USP31: variants seen among roughly 807,000 people sequenced by gnomAD.
USP31 encodes the protein ubiquitin carboxyl-terminal hydrolase 31.
In USP31, 44 loss-of-function variants were observed where a neutral mutation model predicts 119.4. The observed-to-expected ratio is 0.37, with a 90% CI of 0.29 to 0.47. USP31 has a LOEUF of 0.47. USP31 is among the 20% of genes least tolerant of loss of function. The pLI is 0.99. For missense variants in USP31, 1,643 were observed against 1,730.2 expected (o/e 0.95, Z 0.89); for synonymous variants, 749 against 705.6 (o/e 1.06, Z -0.97).
chr16:23,134,915 C>T (rs200339292), intron 1 of USP31, among the ~76,000 whole-genome samples: 3 of 133,914 alleles, frequency 2.2e-5, no homozygotes, highest in Non-Finnish European at 3.3e-5. Context: ...CACACACACA[C>T]ATATTCTATA....
chr16:23,066,311 T>A lies in USP31; in HGVS notation c.*1735A>T, dbSNP rs565988586. The A allele has an allele frequency of 6.5e-6, 1 of 152,696 alleles. No individual in the cohort carries two copies. Among genetic ancestry groups the A allele is most frequent in the South Asian group, 2.1e-4 (1 of 4,822 alleles). 9.5% of individuals were successfully genotyped at this position (152,696 alleles called of 1,614,324 possible). On this transcript the variant is annotated 3_prime_UTR_variant, in exon 16 of 16. Coordinates refer to ENST00000219689, the MANE Select transcript of USP31 (RefSeq NM_020718.4). ...AATTCCAGCTACCCTCAACAGTAAGTGGTCTCCAGACTTGCAAGTTACCGG... is the reference window on the plus strand; with the variant it reads ...AATTCCAGCTACCCTCAACAGTAAGAGGTCTCCAGACTTGCAAGTTACCGG...
At position 23,087,788 on chromosome 16, in the gene USP31, T is replaced by A; in HGVS notation, c.1463A>T (p.Asp488Val). Residue 488 changes from aspartate (D) to valine (V), a missense_variant, in exon 8 of 16, where the codon GAC becomes GTC. Asp to Val is a radical substitution (Grantham distance 152). Around this residue, in one of 5 missense-constraint regions of USP31, gnomAD observed 219 missense variants for 226.4 expected, o/e 0.97. Transcript: ENST00000219689. ...VLHLEKTIAW[D>V]LLQKEILEKM... ...CTCCAAGATTTCCTTCTGCAGAAGGTCCCAAGCTATTGTCTTCTCTAAGTG... is the reference window on the plus strand; with the variant it reads ...CTCCAAGATTTCCTTCTGCAGAAGGACCCAAGCTATTGTCTTCTCTAAGTG... 6.2e-7 allele frequency: 1 copy of A among 1,614,030 alleles called. No homozygotes were observed. The highest frequency in any genetic ancestry group is 8.5e-7 in the Non-Finnish European group (1 of 1,180,014).
intron 15 of USP31, 107 bp downstream of exon 15, chr16:23,071,938 G>A (rs929348555): frequency 3.5e-5 from 51 of 1,459,422 alleles, no homozygotes; most frequent in Admixed American, 2.6e-4. Context: ...CTCCCTTTGG[G>A]TTCTCCTACC....
At chr16:23,135,120 A>C (rs1903149099) in intron 1 of USP31, among the ~76,000 whole-genome samples, 1 of 149,762 alleles carries the variant, frequency 6.7e-6, no homozygotes, top group African/African-American at 2.5e-5. Flanking sequence ...GACAAAATTC[A>C]ACACTCTTTC....
intron 7 of USP31, 47 bp downstream of exon 7, chr16:23,090,577 G>T: frequency 6.8e-7 from 1 of 1,476,204 alleles, no homozygotes; most frequent in South Asian, 1.5e-5. Flanking sequence ...TGAAAATACT[G>T]AACTGTTACA....
At chr16:23,085,736 T>A in intron 9 of USP31, 74 bp from the exon 10 acceptor site, 3 of 1,227,264 alleles carry the variant, frequency 2.4e-6, no homozygotes, top group Non-Finnish European at 3.5e-6. Context: ...AATGTGATTA[T>A]GTCCTACCCA....
intron 5 of USP31, among the ~76,000 whole-genome samples, chr16:23,104,461 T>A (rs1441772904): frequency 6.6e-6 from 1 of 152,192 alleles, no homozygotes; most frequent in Admixed American, 6.5e-5. Flanking sequence ...CCTCGCTCCC[T>A]CCCTTTCTGC....
chr16:23,071,825 T>G (rs1295810900), intron 15 of USP31, among the ~76,000 whole-genome samples: 2 of 151,310 alleles, frequency 1.3e-5, no homozygotes, highest in African/African-American at 4.9e-5. Context: ...AATAATGAAG[T>G]GGAAGGAGAA....
At chr16:23,110,720 G>A (rs1008367246) in intron 1 of USP31, among the ~76,000 whole-genome samples, 6 of 152,102 alleles carry the variant, frequency 3.9e-5, no homozygotes, top group Non-Finnish European at 4.4e-5. Context: ...AAAGTAAAAT[G>A]GATAATAATG....
chr16:23,121,778 A>C (rs376915897), intron 1 of USP31, among the ~76,000 whole-genome samples: 13 of 151,988 alleles, frequency 8.6e-5, no homozygotes, highest in African/African-American at 3.1e-4. Flanking sequence ...TAACAATGCT[A>C]GTGGTAAAAT....
intron 12 of USP31, among the ~76,000 whole-genome samples, chr16:23,081,546 C>T (rs1299585867): frequency 6.6e-6 from 1 of 152,244 alleles, no homozygotes; most frequent in African/African-American, 2.4e-5. Flanking sequence ...TCCTTCAGGT[C>T]TCCCCATCTT....
intron 14 of USP31, 67 bp from the exon 15 acceptor site, chr16:23,072,264 C>G: frequency 6.4e-7 from 1 of 1,551,446 alleles, no homozygotes; most frequent in Non-Finnish European, 8.7e-7. Flanking sequence ...GCCACACACA[C>G]CCTCATGAAG....
At chr16:23,136,358 A>C (rs138456923) in intron 1 of USP31, among the ~76,000 whole-genome samples, 20 of 152,330 alleles carry the variant, frequency 1.3e-4, no homozygotes, top group African/African-American at 4.6e-4. Flanking sequence ...GACGTCATCA[A>C]AATTAAAAAC....
rs1596674616 is a variant in USP31, at chr16:23,064,495, C to G, written c.*3551G>C. The G allele has an allele frequency of 1.3e-5, 2 of 152,076 alleles. No homozygotes were observed. Among genetic ancestry groups the G allele is most frequent in the Non-Finnish European group, 2.9e-5 (2 of 68,014 alleles). The allele number at this position is 152,076 out of a possible 1,614,324, so 9.4% of individuals were successfully genotyped here. A position where few individuals can be genotyped will look rare whatever the true frequency, so the allele number is the denominator to read the frequency against. ...CAAACATAAGATGACCCAATGTTAA[C>G]GTAAAGTGACTGTGTAATGGATTTT... On this transcript the variant is annotated 3_prime_UTR_variant, in exon 16 of 16. Coordinates refer to ENST00000219689, the MANE Select transcript of USP31 (RefSeq NM_020718.4).
At chr16:23,117,731 C>T (rs565867805) in intron 1 of USP31, among the ~76,000 whole-genome samples, 7 of 149,506 alleles carry the variant, frequency 4.7e-5, no homozygotes, top group South Asian at 2.1e-4. Context: ...CATTCTACTA[C>T]GTTTGATTTT....
chr16:23,066,580 T>C lies in USP31; in HGVS notation c.*1466A>G, dbSNP rs1412863629. On this transcript the variant is annotated 3_prime_UTR_variant, in exon 16 of 16. Coordinates refer to ENST00000219689, the MANE Select transcript of USP31 (RefSeq NM_020718.4). ...AAAAACGCTAATATTTAAAAGCACA[T>C]AAACTTAGCATGCTGTATTTACTGG... 6.6e-6 allele frequency: 1 copy of C among 152,016 alleles called. No individual in the cohort carries two copies. Among genetic ancestry groups the C allele is most frequent in the Non-Finnish European group, 1.5e-5 (1 of 68,014 alleles). The allele number at this position is 152,016 out of a possible 1,614,324, so 9.4% of individuals were successfully genotyped here. A position where few individuals can be genotyped will look rare whatever the true frequency, so the allele number is the denominator to read the frequency against.
intron 1 of USP31, among the ~76,000 whole-genome samples, chr16:23,124,913 C>A (rs1469772690): frequency 6.6e-6 from 1 of 151,962 alleles, no homozygotes; most frequent in Non-Finnish European, 1.5e-5. Context: ...ATAAAAAAAA[C>A]CCTAGAGTAT....
intron 1 of USP31, among the ~76,000 whole-genome samples, chr16:23,120,004 G>A (rs904014709): frequency 6.6e-6 from 1 of 152,166 alleles, no homozygotes. Flanking sequence ...CTGACTCCAA[G>A]TTTAGAGTCA....
At chr16:23,123,399 G>A (rs1471862701) in intron 1 of USP31, among the ~76,000 whole-genome samples, 4 of 152,006 alleles carry the variant, frequency 2.6e-5, no homozygotes, top group South Asian at 2.1e-4. Context: ...TCAGCCAGGC[G>A]TGTTGGTGCC....
Sources: gnomAD v4.1 joint callset for allele counts (sites outside exome capture counted in the v4.1 genomes callset) on GRCh38, gnomAD v4.1.1 for gene constraint, gnomAD v4.1.1 regional missense constraint, MANE v1.5 for transcripts, NCBI Gene and HGNC (gene_info 2026-07-23, HGNC 2026-07-21) for gene names.